PRKCA: variants seen among roughly 807,000 people sequenced by gnomAD.
PRKCA encodes protein kinase C alpha type.
A neutral mutation model predicts 87.0 loss-of-function variants in PRKCA; 27 were observed. The ratio of observed to expected loss-of-function variants is 0.31; its 90% CI spans 0.23 to 0.43. The LOEUF is 0.43. Ranked by LOEUF, PRKCA falls within the 20% of genes least tolerant of loss-of-function variation. The pLI is 1.00. For missense variants in PRKCA, 518 were observed against 852.3 expected (o/e 0.61, Z 4.88); for synonymous variants, 329 against 311.1 (o/e 1.06, Z -0.61).
chr17:66,343,712 G>T (rs77549618), intron 2 of PRKCA, among the ~76,000 whole-genome samples: 2 of 152,094 alleles, frequency 1.3e-5, no homozygotes, highest in Admixed American at 1.3e-4. Flanking sequence ...AGATATAAAG[G>T]GGGGGTTGAA....
At chr17:66,438,450 CA>C (rs2143860993) in intron 2 of PRKCA, among the ~76,000 whole-genome samples, 2 of 152,116 alleles carry the variant, frequency 1.3e-5, no homozygotes, top group African/African-American at 4.8e-5. Flanking sequence ...TTTTCCTGGC[CA>C]TAAAAAGCTC....
At chr17:66,606,096 A>C (rs1382948521) in intron 3 of PRKCA, among the ~76,000 whole-genome samples, 2 of 152,224 alleles carry the variant, frequency 1.3e-5, no homozygotes, top group African/African-American at 4.8e-5. Context: ...GTATATAAAA[A>C]ATAATTAATG....
rs556468560 is a variant in PRKCA, at chr17:66,310,485, G to A, written c.205+4358G>A. On this transcript the variant is annotated intron_variant, in intron 2 of 16. Coordinates refer to ENST00000413366, the MANE Select transcript of PRKCA (RefSeq NM_002737.3). ...CCCTGCTAAGAACATAACACATATT[G>A]TACTTCATCTGTGACTTCAACTGAA... Among the ~76,000 whole-genome samples the A allele has an allele frequency of 2.0e-5, 3 of 152,198 alleles. No individual in the cohort carries two copies. In the East Asian group the frequency reaches 5.8e-4, roughly 29 times the overall value.
intron 2 of PRKCA, among the ~76,000 whole-genome samples, chr17:66,347,915 C>G (rs1426524861): frequency 7.6e-6 from 1 of 131,576 alleles, no homozygotes; most frequent in African/African-American, 2.8e-5. Context: ...CTTTATGTGT[C>G]AGAATATTTA....
At chr17:66,528,600 C>T (rs1320328478) in intron 3 of PRKCA, among the ~76,000 whole-genome samples, 1 of 152,132 alleles carries the variant, frequency 6.6e-6, no homozygotes, top group East Asian at 1.9e-4. Context: ...CTGGAAAAGG[C>T]AAGGAAGCAG....
At chr17:66,584,661 C>G (rs1969539450) in intron 3 of PRKCA, among the ~76,000 whole-genome samples, 1 of 152,218 alleles carries the variant, frequency 6.6e-6, no homozygotes, top group Non-Finnish European at 1.5e-5. Context: ...CTTCCCACTC[C>G]TGGTGGCTTC....
intron 2 of PRKCA, among the ~76,000 whole-genome samples, chr17:66,435,424 TG>T (rs530299420): frequency 7.4e-4 from 112 of 152,324 alleles, no homozygotes; most frequent in Non-Finnish European, 1.4e-3. Context: ...TTTTGTCGTG[TG>T]GGTGTGATGG....
chr17:66,654,998 C>A (rs756639256), intron 5 of PRKCA, among the ~76,000 whole-genome samples: 21 of 152,216 alleles, frequency 1.4e-4, no homozygotes, highest in Admixed American at 2.6e-4. Flanking sequence ...GGAGACTCAT[C>A]CTGCTCTCAC....
At position 66,803,982 on chromosome 17, in the gene PRKCA, G is replaced by C; in HGVS notation, c.1964G>C (p.Gly655Ala). Residue 655 changes from glycine to alanine, a missense_variant, in exon 17 of 17, where the codon GGG becomes GCG. Physicochemically the swap from Gly to Ala is moderately conservative, Grantham distance 60. This residue lies in a region of PRKCA where 159 missense variants were observed against 232.4 expected (regional missense o/e 0.68). Coordinates refer to ENST00000413366, the MANE Select transcript of PRKCA (RefSeq NM_002737.3). This position sits in a 1 kb window ranked among gnomAD's most constrained non-coding sequence, Gnocchi z 4.4. Reference sequence around the variant, plus strand: ...AACATAGACCAGTCTGATTTTGAAGGGTTCTCGTATGTCAACCCCCAGTTT... The same window carrying C: ...AACATAGACCAGTCTGATTTTGAAGCGTTCTCGTATGTCAACCCCCAGTTT... ...IANIDQSDFEGFSYVNPQFVH... is the reference protein window; with the variant it reads ...IANIDQSDFEAFSYVNPQFVH... 3 of 1,613,974 alleles carry C rather than the reference G, an allele frequency of 1.9e-6. No individual in the cohort carries two copies. Among genetic ancestry groups the C allele is most frequent in the Non-Finnish European group, 2.5e-6 (3 of 1,179,962 alleles).
chr17:66,655,547 A>G (rs970596078), intron 5 of PRKCA, among the ~76,000 whole-genome samples: 1 of 152,148 alleles, frequency 6.6e-6, no homozygotes, highest in Non-Finnish European at 1.5e-5. Context: ...CTTTCTCTCC[A>G]TGCCCTTTAT....
chr17:66,342,562 G>C (rs1421403272), intron 2 of PRKCA, among the ~76,000 whole-genome samples: 1 of 151,612 alleles, frequency 6.6e-6, no homozygotes. Flanking sequence ...CTAATGCCAA[G>C]CAAGGGAATT....
At chr17:66,720,753 G>A (rs544575395) in intron 8 of PRKCA, among the ~76,000 whole-genome samples, 27 of 152,294 alleles carry the variant, frequency 1.8e-4, no homozygotes, top group African/African-American at 6.5e-4. Flanking sequence ...AAAATGGTAG[G>A]AGAAATCCAC....
At chr17:66,388,633 T>C (rs763300402) in intron 2 of PRKCA, among the ~76,000 whole-genome samples, 17 of 152,138 alleles carry the variant, frequency 1.1e-4, no homozygotes, top group Non-Finnish European at 1.8e-4. Flanking sequence ...TCTTGGAGAA[T>C]TTGGGGAAAA....
chr17:66,492,650 T>G (rs1916295951), intron 2 of PRKCA, among the ~76,000 whole-genome samples: 1 of 152,260 alleles, frequency 6.6e-6, no homozygotes, highest in African/African-American at 2.4e-5. Context: ...TGGTAATTTA[T>G]CTTTCTTATT....
At chr17:66,370,228 CTTTTTTTT>C (rs35851942) in intron 2 of PRKCA, among the ~76,000 whole-genome samples, 7 of 112,246 alleles carry the variant, frequency 6.2e-5, no homozygotes, top group Admixed American at 2.0e-4. Flanking sequence ...TATTTTGATA[CTTTTTTTT>C]TTTTTTTTTT....
chr17:66,446,532 T>C (rs1017666619), intron 2 of PRKCA, among the ~76,000 whole-genome samples: 2 of 152,218 alleles, frequency 1.3e-5, no homozygotes, highest in African/African-American at 4.8e-5. Context: ...AGTTGCATTG[T>C]TGATGTGGCT....
chr17:66,429,720 A>G (rs1170403874), intron 2 of PRKCA, among the ~76,000 whole-genome samples: 2 of 151,990 alleles, frequency 1.3e-5, no homozygotes, highest in East Asian at 1.9e-4. Context: ...CCTGCCCCCA[A>G]TCCTGCCTGT....
At position 66,810,155 on chromosome 17, in the gene PRKCA, T is replaced by C. The variant is rs147044201; in HGVS notation, c.*6118T>C. On this transcript the variant is annotated 3_prime_UTR_variant, in exon 17 of 17. Transcript: ENST00000413366. Reference sequence around the variant, plus strand: ...AAATAAGATAAAAGGTGGCTTTGCATTTTCTGATTAAACGACTGTGTCTTT... The same window carrying C: ...AAATAAGATAAAAGGTGGCTTTGCACTTTCTGATTAAACGACTGTGTCTTT... The C allele has an allele frequency of 1.0e-3, 156 of 152,340 alleles. No homozygotes were observed. The highest frequency in any genetic ancestry group is 3.7e-3 in the African/African-American group (152 of 41,570). 9.4% of individuals were successfully genotyped at this position (152,340 alleles called of 1,614,324 possible).
At chr17:66,562,136 A>ATT (rs1324161208) in intron 3 of PRKCA, among the ~76,000 whole-genome samples, 1 of 57,144 alleles carries the variant, frequency 1.7e-5, no homozygotes, top group Non-Finnish European at 3.3e-5. Flanking sequence ...ATATAATTAA[A>ATT]TTATATATAT....
Sources: gnomAD v4.1 joint callset for allele counts (sites outside exome capture counted in the v4.1 genomes callset) on GRCh38, gnomAD v4.1.1 for gene constraint, gnomAD v4.1.1 regional missense constraint, Gnocchi (gnomAD v3.1) non-coding constraint, MANE v1.5 for transcripts, NCBI Gene and HGNC (gene_info 2026-07-23, HGNC 2026-07-21) for gene names.